C14orf39: variants seen among roughly 807,000 people sequenced by gnomAD.
The protein encoded by C14orf39 is protein SIX6OS1.
C14orf39 carries 66 observed loss-of-function variants against 85.6 expected under a neutral mutation model. The ratio of observed to expected loss-of-function variants is 0.77; its 90% CI spans 0.63 to 0.95. C14orf39 has a LOEUF of 0.95. Ranked by LOEUF, C14orf39 falls within the 40% of genes least tolerant of loss-of-function variation. The pLI is 0.00. For synonymous variants in C14orf39, 242 were observed against 214.0 expected (o/e 1.13, Z -1.14); for missense variants, 735 against 663.9 (o/e 1.11, Z -1.18).
At position 60,466,967 on chromosome 14, in the gene C14orf39, T is replaced by G; in HGVS notation, c.845A>C (p.Gln282Pro). ...SSQLFLPYES[Q>P]KLVRPIKMHS... ...CATCTTTATTGGTCTTACTAATTTC[T>G]GAGATTCATAAGGAAGAAATAATTG... Residue 282 changes from glutamine to proline, a missense_variant, in exon 10 of 18, where the codon CAG (glutamine) becomes CCG (proline). Gln to Pro is a moderately conservative substitution (Grantham distance 76). Coordinates refer to ENST00000321731, the MANE Select transcript of C14orf39 (RefSeq NM_174978.3). 1 of 1,465,548 alleles carries G rather than the reference T, an allele frequency of 6.8e-7. No individual in the cohort carries two copies. Among genetic ancestry groups the G allele is most frequent in the Non-Finnish European group, 9.0e-7 (1 of 1,105,284 alleles). The allele number at this position is 1,465,548 out of a possible 1,614,324, so 90.8% of individuals were successfully genotyped here.
chr14:60,513,141 A>G (rs1893317524), intron 1 of C14orf39, among the ~76,000 whole-genome samples: 1 of 152,222 alleles, frequency 6.6e-6, no homozygotes, highest in South Asian at 2.1e-4. Context: ...GTCCTTGTGT[A>G]TGGTGGCCCT....
At position 60,498,000 on chromosome 14, in the gene C14orf39, A is replaced by T. The variant is rs576511290; in HGVS notation, c.-9+1296T>A. 3.3e-5 allele frequency among the ~76,000 whole-genome samples: 5 copies of T among 152,360 alleles called. No individual in the cohort carries two copies. In the South Asian group the frequency reaches 1.0e-3, roughly 32 times the overall value. On this transcript the variant is annotated intron_variant, in intron 2 of 5. Transcript: ENST00000556799. ...GCCTGCAGCTACAGTGTCCTGGTAA[A>T]TACAGAAAAGTAGAGATAATGAAAT...
chr14:60,446,081 A>G (rs1049486048), intron 16 of C14orf39, among the ~76,000 whole-genome samples: 1 of 152,238 alleles, frequency 6.6e-6, no homozygotes, highest in Non-Finnish European at 1.5e-5. Context: ...AGGGAAATTT[A>G]TAGTACTAAA....
Position 60,436,982 on chromosome 14 carries a change from T to A in C14orf39, c.1627A>T (p.Thr543Ser), listed in dbSNP as rs763827324. ...FTFSFPSDTS[T>S]HTFGAGKDDF... ...TCTTTTCCAGCTCCAAATGTATGAG[T>A]TGAAGTGTCTGATGGAAAAGAAAAT... Residue 543 changes from threonine (T) to serine (S), a missense_variant, in exon 18 of 18, where the codon ACT becomes TCT. Thr to Ser is a moderately conservative substitution (Grantham distance 58). Transcript: ENST00000321731. 3.7e-6 allele frequency: 6 copies of A among 1,612,828 alleles called. No individual in the cohort carries two copies. Among genetic ancestry groups the A allele is most frequent in the Non-Finnish European group, 8.5e-7 (1 of 1,179,388 alleles).
intron 1 of C14orf39, chr14:60,511,379 G>T: frequency 8.3e-7 from 1 of 1,204,002 alleles, no homozygotes. Flanking sequence ...AGGGACCCGC[G>T]GGCTCGGGTT....
chr14:60,500,676 T>C (rs779105798), intron 1 of C14orf39, among the ~76,000 whole-genome samples: 28 of 152,118 alleles, frequency 1.8e-4, no homozygotes, highest in Non-Finnish European at 2.8e-4. Flanking sequence ...ATGGATAATA[T>C]AAATACTTTC....
rs186222488 is a variant in C14orf39, at chr14:60,483,042, G to A, written c.233+649C>T. ...TATTTGCACCATATATGTGTATATT[G>A]CTTGAACATTTGTATTTGGTATATG... On this transcript the variant is annotated intron_variant, in intron 4 of 17. Transcript: ENST00000321731. Among the ~76,000 whole-genome samples, 540 of 152,110 alleles carry A rather than the reference G, an allele frequency of 3.6e-3. 4 individuals are homozygous for A. The highest frequency in any genetic ancestry group is 0.012 in the African/African-American group (502 of 41,496).
At chr14:60,438,709 A>T (rs1890370490) in intron 17 of C14orf39, among the ~76,000 whole-genome samples, 1 of 152,098 alleles carries the variant, frequency 6.6e-6, no homozygotes, top group Non-Finnish European at 1.5e-5. Flanking sequence ...ATCTTTTTGA[A>T]AAAGAAGATT....
chr14:60,451,508 A>G (rs1891033597), intron 16 of C14orf39, among the ~76,000 whole-genome samples: 1 of 152,198 alleles, frequency 6.6e-6, no homozygotes, highest in Non-Finnish European at 1.5e-5. Flanking sequence ...CTATGCAGCC[A>G]TAAAAAGGAT....
rs571553315 is a variant in C14orf39, at chr14:60,456,268, T to C, written c.1358+649A>G. ...CTACAAATACGTGGTTTCCAAAATT[T>C]AATAATCATGTTAGAGATATTTATG... On this transcript the variant is annotated intron_variant, in intron 15 of 17. Coordinates refer to ENST00000321731, the MANE Select transcript of C14orf39 (RefSeq NM_174978.3). Among the ~76,000 whole-genome samples the C allele has an allele frequency of 2.0e-5, 3 of 152,194 alleles. No individual in the cohort carries two copies. In the East Asian group the frequency reaches 5.8e-4, roughly 29 times the overall value.
At position 60,448,040 on chromosome 14, in the gene C14orf39, A is replaced by T. The variant is rs148689455; in HGVS notation, c.1504-5909T>A. On this transcript the variant is annotated intron_variant, in intron 16 of 17. Coordinates refer to ENST00000321731, the MANE Select transcript of C14orf39 (RefSeq NM_174978.3). ...TTCCTTACATCTTATACAAAAATTA[A>T]CTCAAGATGGATTAAAGACTTAAAT... Among the ~76,000 whole-genome samples, 38 of 152,306 alleles carry T rather than the reference A, an allele frequency of 2.5e-4. No homozygotes were observed. The East Asian group carries it at 7.1e-3, about 29-fold the overall frequency.
chr14:60,473,930 ACTC>A (rs763329085), intron 5 of C14orf39, among the ~76,000 whole-genome samples: 4 of 151,788 alleles, frequency 2.6e-5, no homozygotes, highest in Non-Finnish European at 5.9e-5. Flanking sequence ...GTTTTTTCCA[ACTC>A]TGTGATGAAA....
At chr14:60,495,152 G>T (rs755324693) in intron 2 of C14orf39, 1 of 207,042 alleles carries the variant, frequency 4.8e-6, no homozygotes, top group South Asian at 8.3e-5. Context: ...AGTCTCTCCC[G>T]AGTGTGGGCA....
intron 16 of C14orf39, among the ~76,000 whole-genome samples, chr14:60,444,326 T>C (rs1299568204): frequency 6.6e-6 from 1 of 152,166 alleles, no homozygotes. Context: ...AATGGCTAAC[T>C]AGAATAAACA....
chr14:60,490,666 T>G (rs1892976956), upstream of C14orf39, among the ~76,000 whole-genome samples: 1 of 152,036 alleles, frequency 6.6e-6, no homozygotes, highest in Non-Finnish European at 1.5e-5. Context: ...AATGTTACTG[T>G]GTAACACAAA....
chr14:60,461,373 C>T lies in C14orf39; in HGVS notation c.1098G>A (p.Trp366Ter). 6.2e-7 allele frequency: 1 copy of T among 1,610,714 alleles called. No homozygotes were observed. Among genetic ancestry groups the T allele is most frequent in the Non-Finnish European group, 8.5e-7 (1 of 1,178,164 alleles). ...TPQKQSNSNQWSEKGDKDAEY... is the reference protein window; with the variant it reads ...TPQKQSNSNQ ...AAATACCTTTATCCCCTTTTTCCGA[C>T]CACTGATTGGAATTTGATTGTTTCT... is the stretch of plus-strand genomic sequence containing the variant. Residue 366 changes from tryptophan (W) to a stop codon, truncating the protein, a stop_gained, in exon 13 of 18, where the codon TGG becomes TGA. Transcript: ENST00000321731. LOFTEE classifies it high-confidence loss of function.
intron 17 of C14orf39, among the ~76,000 whole-genome samples, chr14:60,440,557 A>T (rs767068869): frequency 1.4e-4 from 22 of 152,104 alleles, no homozygotes; most frequent in Non-Finnish European, 2.9e-4. Context: ...TAGCTTCCTG[A>T]CCTTTCCCTG....
At chr14:60,456,783 T>C (rs2140073355) in intron 15 of C14orf39, 134 bp downstream of exon 15, 2 of 703,104 alleles carry the variant, frequency 2.8e-6, no homozygotes, top group East Asian at 6.1e-5. Flanking sequence ...TATTAGTCTT[T>C]CTCTTCTTTG....
chr14:60,475,679 T>G (rs1892338201), intron 5 of C14orf39, among the ~76,000 whole-genome samples: 1 of 152,070 alleles, frequency 6.6e-6, no homozygotes. Context: ...CCCACAAAGG[T>G]TAAAATATTA....
Sources: gnomAD v4.1 joint callset for allele counts (sites outside exome capture counted in the v4.1 genomes callset) on GRCh38, gnomAD v4.1.1 for gene constraint, MANE v1.5 for transcripts, NCBI Gene and HGNC (gene_info 2026-07-23, HGNC 2026-07-21) for gene names.